The following ZDHHC2 variants were observed in gnomAD, a reference collection of about 807,000 sequenced individuals.
ZDHHC2 encodes the protein zDHHC palmitoyltransferase 2.
A neutral mutation model predicts 55.6 loss-of-function variants in ZDHHC2; 51 were observed. The ratio of observed to expected loss-of-function variants is 0.92; its 90% CI spans 0.73 to 1.16. The LOEUF (loss-of-function observed/expected upper bound fraction) is 1.16. Among genes scored for constraint, ZDHHC2 ranks in the 50% most tolerant of loss-of-function variants. The pLI is 0.00. For synonymous variants in ZDHHC2, 199 were observed against 152.9 expected (o/e 1.30, Z -2.22); for missense variants, 491 against 442.4 (o/e 1.11, Z -0.99).
intron 10 of ZDHHC2, among the ~76,000 whole-genome samples, chr8:17,214,322 A>T (rs1269511691): frequency 6.6e-6 from 1 of 152,138 alleles, no homozygotes; most frequent in Non-Finnish European, 1.5e-5. Context: ...ATAATTTCAG[A>T]TGTTTTTTAT....
At chr8:17,207,132 A>T (rs1026628405) in intron 7 of ZDHHC2, among the ~76,000 whole-genome samples, 3 of 152,174 alleles carry the variant, frequency 2.0e-5, no homozygotes, top group Non-Finnish European at 4.4e-5. Context: ...TGCTGTTGAA[A>T]ACTGTCAGTG....
rs540825515 is a variant in ZDHHC2, at chr8:17,224,714, T to C, written c.*4493T>C. On this transcript the variant is annotated 3_prime_UTR_variant, in exon 13 of 13. Coordinates refer to ENST00000262096, the MANE Select transcript of ZDHHC2 (RefSeq NM_016353.5). ...TCTCAGTTATGAGAGCAAGGCTATT[T>C]TGTCAGTTTAGATTTTGTGTCTTTT... The C allele has an allele frequency of 9.2e-5, 14 of 151,878 alleles. No homozygotes were observed. The South Asian group carries it at 2.7e-3, about 29-fold the overall frequency. 9.4% of individuals were successfully genotyped at this position (151,878 alleles called of 1,614,324 possible).
At chr8:17,200,136 C>T (rs906849744) in intron 6 of ZDHHC2, among the ~76,000 whole-genome samples, 2 of 152,100 alleles carry the variant, frequency 1.3e-5, no homozygotes, top group East Asian at 3.9e-4. Context: ...TCCCCATGAC[C>T]CACCTGCTGA....
At chr8:17,165,405 G>C (rs1050184476) in intron 1 of ZDHHC2, among the ~76,000 whole-genome samples, 1 of 152,184 alleles carries the variant, frequency 6.6e-6, no homozygotes, top group African/African-American at 2.4e-5. Flanking sequence ...GGTCTTAATT[G>C]TAGCATATTT....
At chr8:17,169,461 A>C (rs894209750) in intron 1 of ZDHHC2, among the ~76,000 whole-genome samples, 1 of 152,210 alleles carries the variant, frequency 6.6e-6, no homozygotes, top group Non-Finnish European at 1.5e-5. Flanking sequence ...GAGTAGCCAG[A>C]GTCCAGAGCA....
chr8:17,192,646 C>G (rs549801907), intron 3 of ZDHHC2, among the ~76,000 whole-genome samples: 2 of 152,148 alleles, frequency 1.3e-5, no homozygotes, highest in Non-Finnish European at 2.9e-5. Context: ...CATTTGTCCA[C>G]TTTTGCTTTG....
At chr8:17,172,081 C>G (rs1050734155) in intron 1 of ZDHHC2, among the ~76,000 whole-genome samples, 1 of 152,058 alleles carries the variant, frequency 6.6e-6, no homozygotes, top group Non-Finnish European at 1.5e-5. Flanking sequence ...CCCAAAGCCC[C>G]GCGTCTATCA....
intron 6 of ZDHHC2, among the ~76,000 whole-genome samples, chr8:17,200,299 C>G (rs1806685868): frequency 6.6e-6 from 1 of 152,246 alleles, no homozygotes; most frequent in African/African-American, 2.4e-5. Context: ...CCAAGGCATT[C>G]ATACCTCCAG....
Position 17,179,179 on chromosome 8 carries a change from T to G in ZDHHC2, c.131-5610T>G, listed in dbSNP as rs1053807317. 3.9e-5 allele frequency among the ~76,000 whole-genome samples: 6 copies of G among 152,280 alleles called. No individual in the cohort carries two copies. The East Asian group carries it at 1.2e-3, about 29-fold the overall frequency. ...GTTGCCCGGGCCAATCTCAAACTCCTGGCCTCAAAACTATGCTCTCACCTT... is the reference window on the plus strand; with the variant it reads ...GTTGCCCGGGCCAATCTCAAACTCCGGGCCTCAAAACTATGCTCTCACCTT... On this transcript the variant is annotated intron_variant, in intron 1 of 12. Transcript: ENST00000262096.
At chr8:17,205,270 C>T (rs922671261) in intron 6 of ZDHHC2, among the ~76,000 whole-genome samples, 3 of 152,132 alleles carry the variant, frequency 2.0e-5, no homozygotes, top group Non-Finnish European at 4.4e-5. Flanking sequence ...AAAATTGTAA[C>T]TTAATTAATC....
At chr8:17,160,622 C>T (rs996878042) in intron 1 of ZDHHC2, among the ~76,000 whole-genome samples, 2 of 152,152 alleles carry the variant, frequency 1.3e-5, no homozygotes, top group Non-Finnish European at 2.9e-5. Context: ...TATCTTAGCC[C>T]ATTGAAGTTA....
intron 6 of ZDHHC2, among the ~76,000 whole-genome samples, chr8:17,202,932 T>C (rs1441172878): frequency 2.0e-5 from 3 of 152,174 alleles, no homozygotes; most frequent in Non-Finnish European, 2.9e-5. Context: ...AATCATTTTA[T>C]AAAAATACTC....
intron 1 of ZDHHC2, among the ~76,000 whole-genome samples, chr8:17,178,690 A>C (rs769721549): frequency 1.3e-5 from 2 of 152,182 alleles, no homozygotes; most frequent in Non-Finnish European, 2.9e-5. Flanking sequence ...GTCAAAAGAG[A>C]TAAGGGAGGT....
At chr8:17,168,151 T>G (rs1452816170) in intron 1 of ZDHHC2, among the ~76,000 whole-genome samples, 2 of 152,172 alleles carry the variant, frequency 1.3e-5, no homozygotes, top group African/African-American at 2.4e-5. Flanking sequence ...TACATTCTCT[T>G]TCATCTATTT....
intron 6 of ZDHHC2, among the ~76,000 whole-genome samples, chr8:17,201,732 G>C (rs913868057): frequency 6.7e-5 from 10 of 148,406 alleles, no homozygotes; most frequent in Admixed American, 5.4e-4. Context: ...TCCTGACCTT[G>C]TGATCCACCC....
chr8:17,160,600 C>A (rs576280304), intron 1 of ZDHHC2, among the ~76,000 whole-genome samples: 12 of 152,324 alleles, frequency 7.9e-5, no homozygotes, highest in Admixed American at 5.2e-4. Flanking sequence ...TCCCAGCAAA[C>A]CCCTCTCCAA....
At chr8:17,181,822 A>G (rs1265492221) in intron 1 of ZDHHC2, among the ~76,000 whole-genome samples, 1 of 152,138 alleles carries the variant, frequency 6.6e-6, no homozygotes, top group Non-Finnish European at 1.5e-5. Context: ...TCTATTTTTC[A>G]TATGTTATCT....
intron 1 of ZDHHC2, among the ~76,000 whole-genome samples, chr8:17,161,374 A>C (rs1046339838): frequency 5.3e-5 from 8 of 152,234 alleles, no homozygotes; most frequent in African/African-American, 1.9e-4. Context: ...ATTTTTCACA[A>C]AAAAAGAACA....
chr8:17,156,659 C>T lies in ZDHHC2; in HGVS notation c.-65C>T, dbSNP rs1804059886. 1 of 1,175,432 alleles carries T rather than the reference C, an allele frequency of 8.5e-7. No homozygotes were observed. The highest frequency in any genetic ancestry group is 3.5e-5 in the South Asian group (1 of 28,978). The allele number at this position is 1,175,432 out of a possible 1,614,324, so 72.8% of individuals were successfully genotyped here. ...GTCCAGCCAGGGGTGCCGGGCCCGCCCAGCCCGCCCCGGAGCCAGGCCCGC... is the reference window on the plus strand; with the variant it reads ...GTCCAGCCAGGGGTGCCGGGCCCGCTCAGCCCGCCCCGGAGCCAGGCCCGC... On this transcript the variant is annotated 5_prime_UTR_variant, in exon 1 of 13. Transcript: ENST00000262096.
Sources: gnomAD v4.1 joint callset for allele counts (sites outside exome capture counted in the v4.1 genomes callset) on GRCh38, gnomAD v4.1.1 for gene constraint, MANE v1.5 for transcripts, NCBI Gene and HGNC (gene_info 2026-07-23, HGNC 2026-07-21) for gene names.